The following KSR2 variants were observed in gnomAD, a reference collection of about 807,000 sequenced individuals.
KSR2 encodes kinase suppressor of ras 2.
In KSR2, 25 loss-of-function variants were observed where a neutral mutation model predicts 107.8. The ratio of observed to expected loss-of-function variants is 0.23; its 90% CI spans 0.17 to 0.32. The LOEUF (loss-of-function observed/expected upper bound fraction) is 0.32, where lower values mean the gene tolerates loss of function less well. Ranked by LOEUF, KSR2 falls within the 10% of genes least tolerant of loss-of-function variation. The pLI is 1.00. For synonymous variants in KSR2, 480 were observed against 507.0 expected (o/e 0.95, Z 0.71); for missense variants, 887 against 1,268.9 (o/e 0.70, Z 4.57).
chr12:117,822,031 A>G (rs999193271), intron 3 of KSR2, among the ~76,000 whole-genome samples: 1 of 152,104 alleles, frequency 6.6e-6, no homozygotes. Flanking sequence ...AACTCACCAA[A>G]ACCAAGATAG....
At chr12:117,653,538 C>T (rs1565945392) in intron 5 of KSR2, among the ~76,000 whole-genome samples, 1 of 152,324 alleles carries the variant, frequency 6.6e-6, no homozygotes, top group Middle Eastern at 3.4e-3. Flanking sequence ...ATCCAGTGAG[C>T]AAGAAGTAGC....
At chr12:117,486,807 C>T (rs188891250) in intron 14 of KSR2, among the ~76,000 whole-genome samples, 2 of 152,218 alleles carry the variant, frequency 1.3e-5, no homozygotes, top group African/African-American at 4.8e-5. Flanking sequence ...GTTTCCTCAT[C>T]GATCAAAGGA....
At chr12:117,520,525 G>A (rs1004249954) in intron 14 of KSR2, among the ~76,000 whole-genome samples, 1 of 152,136 alleles carries the variant, frequency 6.6e-6, no homozygotes, top group African/African-American at 2.4e-5. Context: ...TCTGACCGAG[G>A]GCAGCAAAAT....
intron 7 of KSR2, among the ~76,000 whole-genome samples, chr12:117,578,672 T>C (rs1308877607): frequency 6.6e-6 from 1 of 150,396 alleles, no homozygotes; most frequent in Non-Finnish European, 1.5e-5. Context: ...GATCAGCAAA[T>C]TACAGCTGAG....
chr12:117,652,874 G>A (rs1645697210), intron 5 of KSR2, among the ~76,000 whole-genome samples: 1 of 152,150 alleles, frequency 6.6e-6, no homozygotes, highest in South Asian at 2.1e-4. Context: ...GACTCATCCT[G>A]TGGTCATTTC....
rs34174404 is a variant in KSR2 at position 117,753,947 on chromosome 12, CGTGTGTGTGTGTGTGTGTGTGTGTGTGT to C, written c.986+7036_986+7063del. Among the ~76,000 whole-genome samples the C allele has an allele frequency of 4.7e-5, 6 of 129,032 alleles. No homozygotes were observed. In the South Asian group the frequency reaches 8.5e-4, roughly 18 times the overall value. The allele number at this position is 129,032 out of a possible 152,430, so 84.7% of individuals were successfully genotyped here. A position where few individuals can be genotyped will look rare whatever the true frequency, so the allele number is the denominator to read the frequency against. ...TACTTTTACTGGGGAAAGTATAGAG[CGTGTGTGTGTGTGTGTGTGTGTGTGTGT>C]GTGTGTGTGTGTGTGTGTGTGTGTG... is the stretch of plus-strand genomic sequence containing the variant. On this transcript the variant is annotated intron_variant, in intron 4 of 19. Coordinates refer to ENST00000339824, the MANE Select transcript of KSR2 (RefSeq NM_173598.6).
At chr12:117,509,965 G>T (rs13313227) in intron 14 of KSR2, among the ~76,000 whole-genome samples, 17 of 152,308 alleles carry the variant, frequency 1.1e-4, no homozygotes, top group Admixed American at 7.8e-4. Flanking sequence ...GGGGAGAAGG[G>T]CCTCTGCTTC....
intron 1 of KSR2, among the ~76,000 whole-genome samples, chr12:117,876,782 T>C (rs1893868624): frequency 6.7e-6 from 1 of 149,644 alleles, no homozygotes; most frequent in African/African-American, 2.4e-5. Context: ...TATATAACAA[T>C]ATTTATATTA....
chr12:117,484,209 A>G (rs922032213), intron 16 of KSR2, among the ~76,000 whole-genome samples: 3 of 152,314 alleles, frequency 2.0e-5, no homozygotes, highest in Admixed American at 6.5e-5. Flanking sequence ...ACACTCAAAG[A>G]CAAGACAGGT....
chr12:117,565,109 T>C (rs1878386415), intron 7 of KSR2, among the ~76,000 whole-genome samples: 1 of 152,092 alleles, frequency 6.6e-6, no homozygotes, highest in Admixed American at 6.5e-5. Flanking sequence ...TGTGAAGCAG[T>C]CATAAGCCTA....
At chr12:117,834,923 A>G (rs1419705880) in intron 3 of KSR2, among the ~76,000 whole-genome samples, 3 of 152,234 alleles carry the variant, frequency 2.0e-5, no homozygotes, top group Non-Finnish European at 4.4e-5. Context: ...TCAATGCAGT[A>G]ATAGTAACAA....
chr12:117,540,084 C>T (rs1042705754), intron 9 of KSR2, among the ~76,000 whole-genome samples, 197 bp from the exon 10 acceptor site: 1 of 152,066 alleles, frequency 6.6e-6, no homozygotes, highest in Non-Finnish European at 1.5e-5. Context: ...GAAGGAACAG[C>T]CTCTGGAGTC....
At chr12:117,635,980 T>G (rs901049471) in intron 5 of KSR2, among the ~76,000 whole-genome samples, 5 of 152,072 alleles carry the variant, frequency 3.3e-5, no homozygotes, top group Non-Finnish European at 5.9e-5. Flanking sequence ...TTAGTAGAGA[T>G]AGGGTTTCTC....
At chr12:117,550,425 C>T (rs757591510) in intron 9 of KSR2, among the ~76,000 whole-genome samples, 8 of 152,204 alleles carry the variant, frequency 5.3e-5, no homozygotes, top group Non-Finnish European at 1.0e-4. Flanking sequence ...CACCCTCCAA[C>T]CCAACAGCCT....
intron 9 of KSR2, among the ~76,000 whole-genome samples, chr12:117,544,677 G>C (rs1876732301): frequency 6.6e-6 from 1 of 151,710 alleles, no homozygotes; most frequent in South Asian, 2.1e-4. Context: ...CTGTGACCTT[G>C]CTGAATTCAC....
chr12:117,800,506 C>T lies in KSR2; in HGVS notation c.473-38982G>A, dbSNP rs117123015. On this transcript the variant is annotated intron_variant, in intron 3 of 19. Transcript: ENST00000339824. The stretch of plus-strand genomic sequence containing the variant: ...CTACTCAGCTGGAGAAAAGCAGATT[C>T]CAATAGGATAGTGTATTAGTCCATT... 9.9e-3 allele frequency among the ~76,000 whole-genome samples: 1,512 copies of T among 152,308 alleles called. 18 individuals are homozygous for T. The highest frequency in any genetic ancestry group is 0.015 in the Non-Finnish European group (1,036 of 68,028).
chr12:117,936,533 T>TTAGTAGTAGTAGTAGTAGTAG (rs60536021), intron 1 of KSR2, among the ~76,000 whole-genome samples: 1 of 119,658 alleles, frequency 8.4e-6, no homozygotes, highest in Non-Finnish European at 1.7e-5. Flanking sequence ...ATTATTATTA[T>TTAGTAGTAGTAGTAGTAGTAG]TAGTAGTAGT....
In KSR2 at chr12:117,943,408, C is replaced by T. The variant is rs1459048928; in HGVS notation, c.180+24668G>A. On this transcript the variant is annotated intron_variant, in intron 1 of 19. Coordinates refer to ENST00000339824, the MANE Select transcript of KSR2 (RefSeq NM_173598.6). Reference sequence around the variant, plus strand: ...CAAAAGCTATAGAAGAAACTTCTGACTCTAGAGATCCTAACTGTGCACCAG... The same window carrying T: ...CAAAAGCTATAGAAGAAACTTCTGATTCTAGAGATCCTAACTGTGCACCAG... Among the ~76,000 whole-genome samples the T allele has an allele frequency of 2.1e-5, 3 of 144,750 alleles. No homozygotes were observed. The Admixed American group carries it at 2.2e-4, about 11-fold the overall frequency. 95.0% of individuals were successfully genotyped at this position (144,750 alleles called of 152,430 possible).
chr12:117,812,000 CT>C (rs2137051309), intron 3 of KSR2, among the ~76,000 whole-genome samples: 1 of 152,330 alleles, frequency 6.6e-6, no homozygotes, highest in East Asian at 1.9e-4. Flanking sequence ...ACAGTCTCTG[CT>C]GGGGGTTAGA....
Sources: allele counts gnomAD v4.1 joint callset (sites outside exome capture counted in the v4.1 genomes callset), GRCh38; gene constraint gnomAD v4.1.1; transcripts MANE v1.5; gene names NCBI Gene and HGNC (gene_info 2026-07-23, HGNC 2026-07-21).